FCAR: variants seen among roughly 807,000 people sequenced by gnomAD.
The protein encoded by FCAR is Fc alpha receptor, also known as immunoglobulin alpha Fc receptor.
In FCAR, 21 loss-of-function variants were observed where a neutral mutation model predicts 27.1. The observed-to-expected ratio is 0.77, with a 90% confidence interval of 0.55 to 1.11. The LOEUF (loss-of-function observed/expected upper bound fraction) is 1.11. Ranked by LOEUF, FCAR falls within the 50% of genes most tolerant of loss-of-function variation. FCAR has a pLI of 0.00. For synonymous variants in FCAR, 134 were observed against 135.8 expected, an observed-to-expected ratio of 0.99 and a Z score of 0.09; for missense variants, 404 against 358.4, an observed-to-expected ratio of 1.13 and a Z score of -1.03.
chr19:54,879,860 T>C (rs2066314298), intron 2 of FCAR, among the ~76,000 whole-genome samples: 1 of 152,086 alleles, frequency 6.6e-6, no homozygotes. Flanking sequence ...ATTTTTTATA[T>C]TTTTTTAGTA....
At position 54,890,478 on chromosome 19, in the gene FCAR, A is replaced by C. The variant is rs1441250627; in HGVS notation, c.*615A>C. 1 of 151,616 alleles carries C rather than the reference A, an allele frequency of 6.6e-6. No individual in the cohort carries two copies. Among genetic ancestry groups the C allele is most frequent in the Non-Finnish European group, 1.5e-5 (1 of 67,960 alleles). 9.4% of individuals were successfully genotyped at this position (151,616 alleles called of 1,614,324 possible). A position where few individuals can be genotyped will look rare whatever the true frequency, so the allele number is the denominator to read the frequency against. On this transcript the variant is annotated 3_prime_UTR_variant, in exon 5 of 5. Transcript: ENST00000355524. Reference sequence around the variant, plus strand: ...AGTCTCACTCTGTTGCCCAGGCTGGAGTGCAGTGGCACGATCTCGGCTCAC... The same window carrying C: ...AGTCTCACTCTGTTGCCCAGGCTGGCGTGCAGTGGCACGATCTCGGCTCAC...
intron 2 of FCAR, among the ~76,000 whole-genome samples, chr19:54,878,438 G>C (rs1159880232): frequency 6.6e-6 from 1 of 152,112 alleles, no homozygotes; most frequent in African/African-American, 2.4e-5. Context: ...ATTATTGTGT[G>C]GTTGTCTAAG....
At chr19:54,881,486 T>C (rs2066406860) in intron 2 of FCAR, among the ~76,000 whole-genome samples, 1 of 151,884 alleles carries the variant, frequency 6.6e-6, no homozygotes, top group Non-Finnish European at 1.5e-5. Flanking sequence ...TGCCGCGGAA[T>C]CAAGCTGGGG....
In FCAR at chr19:54,874,297, C is replaced by A. The variant is rs1348952236; in HGVS notation, c.8C>A (p.Pro3His). MD[P>H]KQTTLLCLVL... The stretch of plus-strand genomic sequence containing the variant: ...TGAGGCCGTGTCAGCACGATGGACC[C>A]CAAACAGACCACCCTCCTGTGTCTT... The change falls in exon 1 of 5, where the codon CCC becomes CAC. Residue 3 changes from proline to histidine, a missense_variant. Physicochemically the swap from Pro to His is moderately conservative, Grantham distance 77. Transcript: ENST00000355524. 1.9e-6 allele frequency: 3 copies of A among 1,613,840 alleles called. No homozygotes were observed. Among genetic ancestry groups the A allele is most frequent in the Non-Finnish European group, 2.5e-6 (3 of 1,179,936 alleles).
intron 3 of FCAR, among the ~76,000 whole-genome samples, chr19:54,887,722 G>T (rs587669266): frequency 2.8e-4 from 42 of 151,544 alleles, no homozygotes; most frequent in African/African-American, 9.7e-4. Flanking sequence ...TTCGAGACCA[G>T]CCTGACCAAC....
intron 2 of FCAR, chr19:54,881,000 C>G (rs2066377525): frequency 6.6e-6 from 1 of 152,310 alleles, no homozygotes; most frequent in Admixed American, 6.5e-5. Context: ...GGCTGCAGAT[C>G]TGGGCTCGGC....
At chr19:54,887,777 C>A (rs587716495) in intron 3 of FCAR, among the ~76,000 whole-genome samples, 1 of 151,364 alleles carries the variant, frequency 6.6e-6, no homozygotes, top group African/African-American at 2.4e-5. Flanking sequence ...ATTAGCTGGG[C>A]GTGGTGGTAC....
In FCAR at chr19:54,889,964, CTTT is replaced by C. The variant is rs374427185; in HGVS notation, c.*113_*115del. 122 of 699,066 alleles carry C rather than the reference CTTT, an allele frequency of 1.7e-4. No individual in the cohort carries two copies. Among genetic ancestry groups the C allele is most frequent in the Non-Finnish European group, 2.3e-4 (99 of 431,924 alleles). The allele number at this position is 699,066 out of a possible 1,614,324, so 43.3% of individuals were successfully genotyped here. ...AAGCTCACTAAGAAGCTTGAATCTACTTTTTTTTTTTTTTGAGACAGAGTCTGG... is the reference window on the plus strand; with the variant it reads ...AAGCTCACTAAGAAGCTTGAATCTACTTTTTTTTTTTGAGACAGAGTCTGG... On this transcript the variant is annotated 3_prime_UTR_variant, in exon 5 of 5. Coordinates refer to ENST00000355524, the MANE Select transcript of FCAR (RefSeq NM_002000.4).
chr19:54,874,544 T>C (rs1036500198), intron 1 of FCAR, among the ~76,000 whole-genome samples: 1 of 152,084 alleles, frequency 6.6e-6, no homozygotes, highest in African/African-American at 2.4e-5. Context: ...ATTAAACCTA[T>C]AGTGTGTTAT....
chr19:54,888,311 C>G lies in FCAR; in HGVS notation c.649+17C>G. On this transcript the variant is annotated intron_variant, in intron 4 of 4. Transcript: ENST00000355524. ...TGGTCACAGGTAGGTACCGCCCAGT[C>G]CAGCCCTGTGTCTGGGTTGGCTGTC... 7.4e-6 allele frequency: 12 copies of G among 1,612,842 alleles called. No individual in the cohort carries two copies. Among genetic ancestry groups the G allele is most frequent in the Non-Finnish European group, 9.3e-6 (11 of 1,179,408 alleles).
At chr19:54,887,732 C>A (rs1022112853) in intron 3 of FCAR, among the ~76,000 whole-genome samples, 8 of 151,678 alleles carry the variant, frequency 5.3e-5, no homozygotes, top group African/African-American at 1.7e-4. Context: ...GCCTGACCAA[C>A]ATGGAGAGAC....
chr19:54,886,010 G>A (rs2066700583), intron 3 of FCAR, among the ~76,000 whole-genome samples: 1 of 152,276 alleles, frequency 6.6e-6, no homozygotes, highest in South Asian at 2.1e-4. Flanking sequence ...ACTTTGGGTG[G>A]CTGAGGTGGG....
chr19:54,874,555 C>CTGGG (rs1448680368), intron 1 of FCAR, among the ~76,000 whole-genome samples: 10 of 152,188 alleles, frequency 6.6e-5, no homozygotes, highest in Admixed American at 1.3e-4. Context: ...AGTGTGTTAT[C>CTGGG]TGGGATTCAT....
chr19:54,880,743 A>G (rs963125013), intron 2 of FCAR: 1 of 152,236 alleles, frequency 6.6e-6, no homozygotes, highest in African/African-American at 2.4e-5. Flanking sequence ...ATTTGAGCAC[A>G]GTCAGTAGAC....
Position 54,888,327 on chromosome 19 carries a change from G to A in FCAR, c.649+33G>A, listed in dbSNP as rs747993885. 3.1e-6 allele frequency: 5 copies of A among 1,610,362 alleles called. No homozygotes were observed. The East Asian group carries it at 8.9e-5, about 29-fold the overall frequency. On this transcript the variant is annotated intron_variant, in intron 4 of 4. Transcript: ENST00000355524. ...CCGCCCAGTCCAGCCCTGTGTCTGG[G>A]TTGGCTGTCCAGGGCCTTGCCACCG...
chr19:54,885,327 G>T lies in FCAR; in HGVS notation c.163G>T (p.Ala55Ser), dbSNP rs1377784815. 5.0e-6 allele frequency: 8 copies of T among 1,613,966 alleles called. No homozygotes were observed. The Admixed American group carries it at 5.0e-5, about 10-fold the overall frequency. ...VKIQCQAIRE[A>S]YLTQLMIIKN... ...AATCCAGTGCCAGGCCATTCGTGAA[G>T]CTTACCTGACCCAGCTGATGATCAT... Residue 55 changes from alanine to serine, a missense_variant, in exon 3 of 5, where the codon GCT becomes TCT. By Grantham distance (99) the Ala-to-Ser change is moderately conservative. Coordinates refer to ENST00000355524, the MANE Select transcript of FCAR (RefSeq NM_002000.4).
chr19:54,882,977 G>T (rs1350358267), intron 2 of FCAR, among the ~76,000 whole-genome samples: 1 of 152,000 alleles, frequency 6.6e-6, no homozygotes, highest in Non-Finnish European at 1.5e-5. Context: ...CAGGATCTTA[G>T]CCACAAGGCT....
intron 2 of FCAR, among the ~76,000 whole-genome samples, chr19:54,881,287 A>G (rs2066395378): frequency 6.6e-6 from 1 of 152,060 alleles, no homozygotes; most frequent in South Asian, 2.1e-4. Flanking sequence ...TCTTCTCCTT[A>G]GGGCAGTTTG....
chr19:54,881,297 G>C (rs2145870994), intron 2 of FCAR, among the ~76,000 whole-genome samples: 1 of 152,258 alleles, frequency 6.6e-6, no homozygotes, highest in Non-Finnish European at 1.5e-5. Flanking sequence ...AGGGCAGTTT[G>C]CCGGAGGTGT....
Sources: gnomAD v4.1 joint callset for allele counts (sites outside exome capture counted in the v4.1 genomes callset) on GRCh38, gnomAD v4.1.1 for gene constraint, MANE v1.5 for transcripts, NCBI Gene and HGNC (gene_info 2026-07-23, HGNC 2026-07-21) for gene names.